The following RALGAPB variants were observed in gnomAD, a reference collection of about 807,000 sequenced individuals.
The protein encoded by RALGAPB is ral GTPase-activating protein subunit beta.
Under a neutral mutation model 161.1 loss-of-function variants are expected in RALGAPB, and 25 were observed. That is an observed-to-expected ratio of 0.16 (90% CI 0.11 to 0.22). The LOEUF is 0.22. RALGAPB is among the 10% of genes least tolerant of loss of function. RALGAPB has a pLI of 1.00. For synonymous variants in RALGAPB, 629 were observed against 626.1 expected, an observed-to-expected ratio of 1.00 and a Z score of -0.07; for missense variants, 1,391 against 1,815.2, an observed-to-expected ratio of 0.77 and a Z score of 4.25.
At chr20:38,480,152 A>G (rs1425897811) in intron 1 of RALGAPB, among the ~76,000 whole-genome samples, 1 of 150,042 alleles carries the variant, frequency 6.7e-6, no homozygotes, top group African/African-American at 2.5e-5. Context: ...CGGCTAAGAT[A>G]AGGTTAAACT....
At chr20:38,508,664 A>C (rs1417948309) in intron 5 of RALGAPB, among the ~76,000 whole-genome samples, 8 of 152,186 alleles carry the variant, frequency 5.3e-5, no homozygotes, top group Admixed American at 5.2e-4. Flanking sequence ...GAAGATGCTG[A>C]TAACAACACG....
Position 38,553,718 on chromosome 20 carries a change from A to T in RALGAPB, c.3163-149A>T, listed in dbSNP as rs918603225. On this transcript the variant is annotated intron_variant, in intron 21 of 29. Coordinates refer to ENST00000262879, the MANE Select transcript of RALGAPB (RefSeq NM_020336.4). The stretch of plus-strand genomic sequence containing the variant: ...TCCCAGCACTTTGGGAGCCTAAGGC[A>T]GGAGGATCACTTGAGCCCAGGAGTT... 4.2e-4 allele frequency: 256 copies of T among 602,912 alleles called. 1 individual carries two copies. The highest frequency in any genetic ancestry group is 8.8e-5 in the Non-Finnish European group (32 of 362,992). The allele number at this position is 602,912 out of a possible 1,614,324, so 37.3% of individuals were successfully genotyped here. A position where few individuals can be genotyped will look rare whatever the true frequency, so the allele number is the denominator to read the frequency against.
chr20:38,555,568 A>G (rs2087558367), intron 22 of RALGAPB, among the ~76,000 whole-genome samples: 1 of 152,232 alleles, frequency 6.6e-6, no homozygotes, highest in Non-Finnish European at 1.5e-5. Context: ...AAAATTGAAC[A>G]GAGTAGAAGC....
At chr20:38,505,204 A>T (rs188295836) in intron 5 of RALGAPB, among the ~76,000 whole-genome samples, 1 of 152,328 alleles carries the variant, frequency 6.6e-6, no homozygotes, top group Admixed American at 6.5e-5. Flanking sequence ...AGACTGGGTA[A>T]AGAAAATGTG....
At chr20:38,563,517 C>CAA (rs1336966651) in intron 24 of RALGAPB, among the ~76,000 whole-genome samples, 1 of 152,226 alleles carries the variant, frequency 6.6e-6, no homozygotes, top group Non-Finnish European at 1.5e-5. Context: ...ATCAGGATAA[C>CAA]AAGTAGCAGA....
chr20:38,559,407 A>G lies in RALGAPB; in HGVS notation c.3531+954A>G, dbSNP rs372791291. ...ACCTGAAATAAAGGAGAAAAACAGA[A>G]GGACTGGCCGGGTGTGGTGGCTCAC... On this transcript the variant is annotated intron_variant, in intron 23 of 29. Coordinates refer to ENST00000262879, the MANE Select transcript of RALGAPB (RefSeq NM_020336.4). Among the ~76,000 whole-genome samples, 26 of 152,338 alleles carry G rather than the reference A, an allele frequency of 1.7e-4. No homozygotes were observed. The South Asian group carries it at 4.6e-3, about 27-fold the overall frequency.
intron 5 of RALGAPB, among the ~76,000 whole-genome samples, chr20:38,507,368 G>A (rs1321230997): frequency 6.6e-6 from 1 of 151,800 alleles, no homozygotes; most frequent in African/African-American, 2.4e-5. Context: ...CCTTGTTATT[G>A]TTGTTGTTAT....
At chr20:38,556,757 C>T (rs1238638449) in intron 22 of RALGAPB, among the ~76,000 whole-genome samples, 1 of 152,030 alleles carries the variant, frequency 6.6e-6, no homozygotes, top group Non-Finnish European at 1.5e-5. Context: ...AGAATGGGGA[C>T]ATTCTGATCT....
At chr20:38,544,904 T>G (rs933884962) in intron 18 of RALGAPB, among the ~76,000 whole-genome samples, 1 of 152,208 alleles carries the variant, frequency 6.6e-6, no homozygotes, top group African/African-American at 2.4e-5. Context: ...ATCCTTGAGT[T>G]TTTTTTCACA....
intron 3 of RALGAPB, among the ~76,000 whole-genome samples, chr20:38,493,702 T>C (rs2085337763): frequency 6.6e-6 from 1 of 152,254 alleles, no homozygotes; most frequent in Non-Finnish European, 1.5e-5. Context: ...TGGTCTGTCA[T>C]ACGGTGAGGG....
intron 23 of RALGAPB, among the ~76,000 whole-genome samples, chr20:38,560,166 G>T (rs1419617441): frequency 6.6e-6 from 1 of 152,068 alleles, no homozygotes; most frequent in Non-Finnish European, 1.5e-5. Flanking sequence ...AGGTACCAGG[G>T]TTATAGTGCC....
intron 1 of RALGAPB, among the ~76,000 whole-genome samples, chr20:38,486,995 C>A (rs747989356): frequency 6.6e-6 from 1 of 152,168 alleles, no homozygotes; most frequent in African/African-American, 2.4e-5. Flanking sequence ...AATGAATGAG[C>A]TAATGGCAGC....
intron 14 of RALGAPB, among the ~76,000 whole-genome samples, chr20:38,532,522 A>G (rs755609606): frequency 1.3e-5 from 2 of 152,242 alleles, no homozygotes; most frequent in Non-Finnish European, 2.9e-5. Flanking sequence ...GGGCACTTGT[A>G]GTAGTACAAA....
chr20:38,484,867 G>A (rs1468639184), intron 1 of RALGAPB, among the ~76,000 whole-genome samples: 1 of 152,052 alleles, frequency 6.6e-6, no homozygotes, highest in Non-Finnish European at 1.5e-5. Context: ...GGCTAATTTT[G>A]TATTTTTAGT....
chr20:38,550,155 G>T (rs1214005740), intron 20 of RALGAPB, among the ~76,000 whole-genome samples: 1 of 152,184 alleles, frequency 6.6e-6, no homozygotes, highest in Non-Finnish European at 1.5e-5. Flanking sequence ...CGGGTAGGGG[G>T]AGTGGGGAGG....
intron 23 of RALGAPB, among the ~76,000 whole-genome samples, chr20:38,561,720 A>G (rs922414331): frequency 1.3e-5 from 2 of 152,214 alleles, no homozygotes; most frequent in Non-Finnish European, 2.9e-5. Flanking sequence ...TTTCAAGAGC[A>G]GCACTATTGC....
chr20:38,558,215 C>A (rs182254979), intron 22 of RALGAPB, 80 bp from the exon 23 acceptor site: 2 of 1,200,528 alleles, frequency 1.7e-6, no homozygotes, highest in Non-Finnish European at 2.2e-6. Context: ...TTTTATTAAA[C>A]CATGAGCAAG....
At chr20:38,567,742 A>G (rs552043046) in intron 26 of RALGAPB, among the ~76,000 whole-genome samples, 9 of 152,296 alleles carry the variant, frequency 5.9e-5, no homozygotes, top group Middle Eastern at 3.4e-3. Flanking sequence ...ATCTGTGATC[A>G]GGTCAGAAGT....
chr20:38,558,889 C>G (rs182940798), intron 23 of RALGAPB, among the ~76,000 whole-genome samples: 70 of 152,174 alleles, frequency 4.6e-4, no homozygotes, highest in African/African-American at 1.7e-3. Context: ...CAAAAAAGTG[C>G]CTTTCTAGGC....
Sources: gnomAD v4.1 joint callset for allele counts (sites outside exome capture counted in the v4.1 genomes callset) on GRCh38, gnomAD v4.1.1 for gene constraint, MANE v1.5 for transcripts, NCBI Gene and HGNC (gene_info 2026-07-23, HGNC 2026-07-21) for gene names.